FHIT: variants seen among roughly 807,000 people sequenced by gnomAD.
FHIT encodes fragile histidine triad diadenosine triphosphatase.
FHIT carries 19 observed loss-of-function variants against 17.9 expected under a neutral mutation model. The observed-to-expected ratio is 1.06, with a 90% CI of 0.74 to 1.56. The LOEUF is 1.56. FHIT is among the 40% of genes most tolerant of loss of function. The pLI is 0.00. For missense variants in FHIT, 248 were observed against 189.2 expected (o/e 1.31, Z -1.82); for synonymous variants, 81 against 69.7 (o/e 1.16, Z -0.81).
At chr3:60,655,772 T>C (rs570159531) in intron 4 of FHIT, among the ~76,000 whole-genome samples, 24 of 152,322 alleles carry the variant, frequency 1.6e-4, no homozygotes, top group African/African-American at 5.5e-4. Context: ...TCCCCAAGAT[T>C]GCTGTCTCCT....
intron 5 of FHIT, among the ~76,000 whole-genome samples, chr3:60,288,839 A>G (rs1375095788): frequency 6.6e-6 from 1 of 152,206 alleles, no homozygotes; most frequent in African/African-American, 2.4e-5. Flanking sequence ...TTTAACAACT[A>G]TATCTTCAAA....
At chr3:60,068,421 A>G (rs181399094) in intron 5 of FHIT, among the ~76,000 whole-genome samples, 1 of 152,316 alleles carries the variant, frequency 6.6e-6, no homozygotes, top group East Asian at 1.9e-4. Flanking sequence ...TGAGAACAAG[A>G]AAAGAGTAAA....
At chr3:59,841,624 G>A (rs899371617) in intron 8 of FHIT, among the ~76,000 whole-genome samples, 5 of 152,110 alleles carry the variant, frequency 3.3e-5, no homozygotes, top group African/African-American at 1.2e-4. Flanking sequence ...CACAGGTGTT[G>A]ATGCCTAATA....
At chr3:60,839,498 G>A (rs1226773387) in intron 3 of FHIT, among the ~76,000 whole-genome samples, 5 of 152,070 alleles carry the variant, frequency 3.3e-5, no homozygotes, top group African/African-American at 1.2e-4. Flanking sequence ...CTGATTCCCT[G>A]GCATTTGTCA....
intron 4 of FHIT, among the ~76,000 whole-genome samples, chr3:60,700,925 G>T (rs1415984252): frequency 6.6e-6 from 1 of 151,984 alleles, no homozygotes; most frequent in Non-Finnish European, 1.5e-5. Context: ...ATAACTGTAT[G>T]TCATCAGTGT....
At chr3:59,891,418 G>A (rs569774683) in intron 8 of FHIT, among the ~76,000 whole-genome samples, 1 of 152,354 alleles carries the variant, frequency 6.6e-6, no homozygotes, top group African/African-American at 2.4e-5. Context: ...AATTCCCATT[G>A]CTGGGTAGAA....
At chr3:60,638,305 T>C (rs1017638063) in intron 4 of FHIT, among the ~76,000 whole-genome samples, 2 of 152,150 alleles carry the variant, frequency 1.3e-5, no homozygotes, top group Non-Finnish European at 2.9e-5. Context: ...AAAATCACCA[T>C]TTCACAGCTC....
intron 5 of FHIT, among the ~76,000 whole-genome samples, chr3:60,294,533 C>A (rs972004995): frequency 1.3e-5 from 2 of 152,154 alleles, no homozygotes; most frequent in African/African-American, 4.8e-5. Flanking sequence ...ACAATGAGTA[C>A]AGCCACATGC....
chr3:60,420,251 A>C (rs1702419518), intron 5 of FHIT, among the ~76,000 whole-genome samples: 1 of 152,206 alleles, frequency 6.6e-6, no homozygotes, highest in Non-Finnish European at 1.5e-5. Context: ...TATCATGTGC[A>C]ATCATCCATA....
intron 8 of FHIT, among the ~76,000 whole-genome samples, chr3:59,810,589 G>T (rs970490316): frequency 2.6e-5 from 4 of 152,084 alleles, no homozygotes; most frequent in Non-Finnish European, 4.4e-5. Context: ...CACTGGTAAG[G>T]CTCCATTAAA....
Position 60,660,729 on chromosome 3 carries a change from C to CTTTTTTTTTTTTTTTTTTTTTTTTTTTTT in FHIT, c.-17-123751_-17-123750insAAAAAAAAAAAAAAAAAAAAAAAAAAAAA. Among the ~76,000 whole-genome samples the CTTTTTTTTTTTTTTTTTTTTTTTTTTTTT allele has an allele frequency of 1.7e-3, 62 of 37,278 alleles. 15 individuals carry two copies. Among genetic ancestry groups the CTTTTTTTTTTTTTTTTTTTTTTTTTTTTT allele is most frequent in the Non-Finnish European group, 2.7e-3 (49 of 18,236 alleles). 24.5% of individuals were successfully genotyped at this position (37,278 alleles called of 152,430 possible). A position where few individuals can be genotyped will look rare whatever the true frequency, so the allele number is the denominator to read the frequency against. On this transcript the variant is annotated intron_variant, in intron 4 of 9. Coordinates refer to ENST00000492590, the MANE Select transcript of FHIT (RefSeq NM_002012.4). ...GATGTGGAATATCTTTTATTGTGCT[C>CTTTTTTTTTTTTTTTTTTTTTTTTTTTTT]TTTTTTTTTTTTTTTTTTTTTGCCA...
chr3:60,056,944 C>T (rs1702106895), intron 5 of FHIT, among the ~76,000 whole-genome samples: 1 of 152,158 alleles, frequency 6.6e-6, no homozygotes, highest in Non-Finnish European at 1.5e-5. Flanking sequence ...GGCCACTCTT[C>T]CTGGTCTGGG....
intron 8 of FHIT, among the ~76,000 whole-genome samples, chr3:59,886,471 G>A (rs1448392294): frequency 2.6e-5 from 4 of 152,202 alleles, no homozygotes; most frequent in African/African-American, 7.2e-5. Flanking sequence ...CAGGCTGTAC[G>A]AGAAGCCTGG....
chr3:60,574,007 A>G (rs1470634157), intron 4 of FHIT, among the ~76,000 whole-genome samples: 3 of 151,756 alleles, frequency 2.0e-5, no homozygotes, highest in African/African-American at 7.3e-5. Flanking sequence ...ACAGCATTTC[A>G]CCATGTTGGC....
At chr3:60,004,105 A>C (rs937990854) in intron 7 of FHIT, among the ~76,000 whole-genome samples, 1 of 152,132 alleles carries the variant, frequency 6.6e-6, no homozygotes, top group Non-Finnish European at 1.5e-5. Flanking sequence ...TACTACATCA[A>C]CAAAGGTAAG....
chr3:59,984,498 G>A (rs1003899771), intron 7 of FHIT, among the ~76,000 whole-genome samples: 1 of 151,994 alleles, frequency 6.6e-6, no homozygotes, highest in Admixed American at 6.6e-5. Flanking sequence ...ACTGGTATTG[G>A]CTAAACATTG....
chr3:60,108,446 T>C (rs1704522093), intron 5 of FHIT, among the ~76,000 whole-genome samples: 1 of 152,118 alleles, frequency 6.6e-6, no homozygotes, highest in Non-Finnish European at 1.5e-5. Flanking sequence ...TTTGTTTTTA[T>C]TTCATGCCTA....
At chr3:60,399,820 T>A (rs968750407) in intron 5 of FHIT, among the ~76,000 whole-genome samples, 2 of 152,130 alleles carry the variant, frequency 1.3e-5, no homozygotes, top group Non-Finnish European at 2.9e-5. Context: ...TTTTAAAAAA[T>A]CATGCCTTCA....
At chr3:61,152,386 T>G (rs551443696) in intron 2 of FHIT, among the ~76,000 whole-genome samples, 1 of 152,376 alleles carries the variant, frequency 6.6e-6, no homozygotes, top group East Asian at 1.9e-4. Flanking sequence ...TTAATTTTAA[T>G]AGATTCAAGT....
Sources: allele counts gnomAD v4.1 joint callset (sites outside exome capture counted in the v4.1 genomes callset), GRCh38; gene constraint gnomAD v4.1.1; transcripts MANE v1.5; gene names NCBI Gene and HGNC (gene_info 2026-07-23, HGNC 2026-07-21).